RTL4: variants seen among roughly 807,000 people sequenced by gnomAD.
RTL4 encodes retrotransposon Gag-like protein 4.
Under a neutral mutation model 5.3 loss-of-function variants are expected in RTL4, and 4 were observed. That is an observed-to-expected ratio of 0.75 (90% CI 0.37 to 1.72). The LOEUF (loss-of-function observed/expected upper bound fraction) is 1.72, where lower values mean the gene tolerates loss of function less well. Among genes scored for constraint, RTL4 ranks in the 40% most tolerant of loss-of-function variants. RTL4 has a pLI of 0.04. For synonymous variants in RTL4, 98 were observed against 87.3 expected (o/e 1.12, Z -0.68); for missense variants, 260 against 227.1 (o/e 1.14, Z -0.93).
the RTL4 span, among the ~76,000 whole-genome samples, chrX:112,365,849 G>A: frequency 9.0e-6 from 1 of 111,154 alleles, no homozygotes; most frequent in African/African-American, 3.3e-5. Context: ...CTGAACTCCA[G>A]TTAGGGTCCT....
At chrX:112,083,163 C>A in the RTL4 span, among the ~76,000 whole-genome samples, 1 of 112,407 alleles carries the variant, frequency 8.9e-6, no homozygotes, top group African/African-American at 3.2e-5. Context: ...AGACCTCCCC[C>A]TCCCCTGGGT....
chrX:112,240,633 AT>A, the RTL4 span, among the ~76,000 whole-genome samples: 1 of 111,805 alleles, frequency 8.9e-6, no homozygotes, highest in Admixed American at 9.5e-5. Flanking sequence ...CTTTTGTGCC[AT>A]TGTGAAGGTG....
chrX:112,434,550 G>C, the RTL4 span, among the ~76,000 whole-genome samples: 1 of 111,842 alleles, frequency 8.9e-6, no homozygotes, highest in Non-Finnish European at 1.9e-5. Flanking sequence ...TCTGATGGTA[G>C]TTTGTATTTC....
At chrX:112,333,083 G>GGT in the RTL4 span, among the ~76,000 whole-genome samples, 1,159 of 104,474 alleles carry the variant, frequency 0.011, 15 homozygotes, top group African/African-American at 0.031. Flanking sequence ...CTCCTTCAAT[G>GGT]GTGTGTGTGT....
Position 112,455,270 on chromosome X carries a change from G to A in RTL4, c.542G>A (p.Ser181Asn), listed in dbSNP as rs757085808. 4.4e-5 allele frequency: 53 copies of A among 1,209,681 alleles called. No homozygotes were observed. In the South Asian group the frequency reaches 8.1e-4, roughly 19 times the overall value. Residue 181 changes from serine to asparagine, a missense_variant, in exon 1 of 1, where the codon AGT becomes AAT. Coordinates refer to ENST00000340433, the Ensembl canonical transcript of RTL4. The stretch of plus-strand genomic sequence containing the variant: ...CTGATCTGTAATGAAACCAATCAGA[G>A]TGGTCAGTTCGAAAAGGCACTAGCT...
At chrX:112,381,883 A>G in the RTL4 span, 3 of 1,208,971 alleles carry the variant, frequency 2.5e-6, no homozygotes, top group Non-Finnish European at 2.2e-6. Context: ...ACAAGAGGCT[A>G]TTGGGAAAGA....
the RTL4 span, among the ~76,000 whole-genome samples, chrX:112,126,133 G>C: frequency 8.9e-5 from 10 of 111,766 alleles, no homozygotes; most frequent in African/African-American, 3.3e-4. Context: ...CCTTAACCTT[G>C]AACAAAATAT....
the RTL4 span, among the ~76,000 whole-genome samples, chrX:112,246,347 G>A: frequency 1.8e-5 from 2 of 111,406 alleles, no homozygotes; most frequent in African/African-American, 6.5e-5. Flanking sequence ...AGGCAGGCAG[G>A]CCTCATTGAG....
At chrX:112,259,761 A>C in the RTL4 span, among the ~76,000 whole-genome samples, 1 of 111,646 alleles carries the variant, frequency 9.0e-6, no homozygotes, top group Non-Finnish European at 1.9e-5. Context: ...TAAGCAATCA[A>C]AGCAATTCTC....
chrX:112,317,633 T>C, the RTL4 span, among the ~76,000 whole-genome samples: 46 of 111,703 alleles, frequency 4.1e-4, 1 homozygote, highest in South Asian at 0.017. Flanking sequence ...ACCAGGTGTA[T>C]GCAAGGAATG....
At chrX:112,283,965 C>G in the RTL4 span, among the ~76,000 whole-genome samples, 1 of 110,006 alleles carries the variant, frequency 9.1e-6, no homozygotes, top group Non-Finnish European at 1.9e-5. Context: ...CACACATCCT[C>G]AAGTGAAATA....
chrX:112,324,885 A>G, the RTL4 span, among the ~76,000 whole-genome samples: 4 of 111,621 alleles, frequency 3.6e-5, no homozygotes, highest in Admixed American at 3.8e-4. Context: ...AGTGTTGCCT[A>G]AATATTCTAT....
chrX:112,349,840 T>C, the RTL4 span, among the ~76,000 whole-genome samples: 1 of 106,521 alleles, frequency 9.4e-6, no homozygotes, highest in Admixed American at 1.0e-4. Context: ...CTTTTCCTAA[T>C]TGAATACCCT....
At chrX:112,140,622 C>T in the RTL4 span, among the ~76,000 whole-genome samples, 1 of 110,484 alleles carries the variant, frequency 9.1e-6, no homozygotes, top group African/African-American at 3.3e-5. Context: ...TTCCTCAAGC[C>T]TTTTTTAAAA....
At chrX:112,323,779 C>A in the RTL4 span, among the ~76,000 whole-genome samples, 9 of 112,192 alleles carry the variant, frequency 8.0e-5, no homozygotes, top group African/African-American at 2.3e-4. Flanking sequence ...CATGAGCCAC[C>A]ATGGCCAGGC....
the RTL4 span, among the ~76,000 whole-genome samples, chrX:112,248,543 G>A: frequency 8.9e-6 from 1 of 112,400 alleles, no homozygotes; most frequent in Non-Finnish European, 1.9e-5. Flanking sequence ...TCTGTTAGAA[G>A]AGTGCCTATT....
At chrX:112,434,531 G>A in the RTL4 span, among the ~76,000 whole-genome samples, 25 of 111,888 alleles carry the variant, frequency 2.2e-4, no homozygotes, top group Non-Finnish European at 4.7e-4. Context: ...AGAGGTGTTT[G>A]TAGTATTCTC....
the RTL4 span, among the ~76,000 whole-genome samples, chrX:112,099,749 G>T: frequency 9.0e-6 from 1 of 111,514 alleles, no homozygotes; most frequent in Non-Finnish European, 1.9e-5. Flanking sequence ...ATTTTTCAGA[G>T]AATGGGATTG....
At chrX:112,149,400 A>G in the RTL4 span, among the ~76,000 whole-genome samples, 12 of 111,864 alleles carry the variant, frequency 1.1e-4, no homozygotes, top group Admixed American at 1.1e-3. Flanking sequence ...CTTAAGTGAC[A>G]AAGTTACAGT....
Sources: allele counts gnomAD v4.1 joint callset (sites outside exome capture counted in the v4.1 genomes callset), GRCh38; gene constraint gnomAD v4.1.1; transcripts MANE v1.5; gene names NCBI Gene and HGNC (gene_info 2026-07-23, HGNC 2026-07-21).